The following PTPRB variants were observed in gnomAD, a reference collection of about 807,000 sequenced individuals.
PTPRB encodes receptor-type tyrosine-protein phosphatase beta.
In PTPRB, 97 loss-of-function variants were observed where a neutral mutation model predicts 238.1. The ratio of observed to expected loss-of-function variants is 0.41; its 90% CI spans 0.35 to 0.48. PTPRB has a LOEUF of 0.48. Ranked by LOEUF, PTPRB falls within the 20% of genes least tolerant of loss-of-function variation. The pLI is 0.30. For missense variants in PTPRB, 2,292 were observed against 2,681.9 expected (o/e 0.85, Z 3.21); for synonymous variants, 970 against 995.4 (o/e 0.97, Z 0.48).
rs1871576463 is a variant in PTPRB at position 70,520,847 on chromosome 12, T to C, written c.*642A>G. ...ACTGCAAGTTACATGATCCCTGAGC[T>C]GACCACTTTGGCTTGAATCCCTGGA... is the stretch of plus-strand genomic sequence containing the variant. On this transcript the variant is annotated 3_prime_UTR_variant, in exon 34 of 34. Coordinates refer to ENST00000334414, the MANE Select transcript of PTPRB (RefSeq NM_001109754.4). 6.6e-6 allele frequency: 1 copy of C among 152,516 alleles called. No individual in the cohort carries two copies. The highest frequency in any genetic ancestry group is 2.4e-5 in the African/African-American group (1 of 41,460). 9.4% of individuals were successfully genotyped at this position (152,516 alleles called of 1,614,324 possible). A position where few individuals can be genotyped will look rare whatever the true frequency, so the allele number is the denominator to read the frequency against.
In PTPRB at chr12:70,566,430, A is replaced by G; in HGVS notation, c.3904+5T>C. 6.2e-7 allele frequency: 1 copy of G among 1,613,466 alleles called. No individual in the cohort carries two copies. Among genetic ancestry groups the G allele is most frequent in the Non-Finnish European group, 8.5e-7 (1 of 1,179,650 alleles). Reference sequence around the variant, plus strand: ...TGCTACAAAACATTATGCTGTGCTAATTACCTGTTCGGCCTTCAGTCTGGG... The same window carrying G: ...TGCTACAAAACATTATGCTGTGCTAGTTACCTGTTCGGCCTTCAGTCTGGG... On this transcript the variant is annotated splice_donor_5th_base_variant and intron_variant, in intron 15 of 33. Coordinates refer to ENST00000334414, the MANE Select transcript of PTPRB (RefSeq NM_001109754.4).
intron 2 of PTPRB, among the ~76,000 whole-genome samples, chr12:70,624,950 A>G (rs1885108935): frequency 6.6e-6 from 1 of 152,214 alleles, no homozygotes; most frequent in South Asian, 2.1e-4. Context: ...AACACTCTTG[A>G]AATTTCTCTG....
At chr12:70,529,791 G>A (rs1244556576) in intron 32 of PTPRB, among the ~76,000 whole-genome samples, 1 of 152,134 alleles carries the variant, frequency 6.6e-6, no homozygotes, top group African/African-American at 2.4e-5. Flanking sequence ...GGCTGACACT[G>A]CCTGAACTCA....
At chr12:70,529,220 GAGA>G (rs942473624) in intron 32 of PTPRB, among the ~76,000 whole-genome samples, 2 of 152,258 alleles carry the variant, frequency 1.3e-5, no homozygotes, top group Middle Eastern at 3.4e-3. Flanking sequence ...TATTTCTAAG[GAGA>G]AGGAGGAAGA....
intron 14 of PTPRB, among the ~76,000 whole-genome samples, chr12:70,567,943 A>C (rs1223100111): frequency 6.6e-6 from 1 of 152,064 alleles, no homozygotes; most frequent in Admixed American, 6.5e-5. Context: ...CACTCACCTC[A>C]GCTTCCCAAA....
intron 21 of PTPRB, 99 bp downstream of exon 21, chr12:70,552,678 A>G (rs1446498159): frequency 1.4e-6 from 2 of 1,441,792 alleles, no homozygotes; most frequent in Non-Finnish European, 1.9e-6. Context: ...AACGTAGGTT[A>G]TTAATCTATG....
intron 19 of PTPRB, 94 bp from the exon 20 acceptor site, chr12:70,555,403 T>C (rs1877505814): frequency 1.7e-6 from 2 of 1,184,074 alleles, no homozygotes; most frequent in South Asian, 2.9e-5. Context: ...TCTGCTCTCC[T>C]GCATCAGACT....
intron 2 of PTPRB, among the ~76,000 whole-genome samples, chr12:70,623,542 C>T (rs920739099): frequency 6.6e-6 from 1 of 152,076 alleles, no homozygotes; most frequent in African/African-American, 2.4e-5. Context: ...GACCCTAGAG[C>T]ACAAGTGAAG....
At chr12:70,613,392 T>C (rs1291103007) in intron 3 of PTPRB, among the ~76,000 whole-genome samples, 1 of 151,992 alleles carries the variant, frequency 6.6e-6, no homozygotes, top group African/African-American at 2.4e-5. Context: ...CTGGTATAGG[T>C]TTTGGAGGCT....
intron 22 of PTPRB, among the ~76,000 whole-genome samples, chr12:70,543,973 C>G (rs959046084): frequency 6.6e-6 from 1 of 152,176 alleles, no homozygotes; most frequent in African/African-American, 2.4e-5. Context: ...AGAAGGTGAA[C>G]AGTAAATACT....
intron 4 of PTPRB, among the ~76,000 whole-genome samples, chr12:70,603,981 T>C (rs1410013479): frequency 6.6e-6 from 1 of 152,194 alleles, no homozygotes; most frequent in Non-Finnish European, 1.5e-5. Context: ...TTAAACATAA[T>C]ATGTGGTAGT....
chr12:70,620,479 G>A (rs928474715), intron 3 of PTPRB, among the ~76,000 whole-genome samples: 4 of 152,030 alleles, frequency 2.6e-5, no homozygotes, highest in Admixed American at 6.5e-5. Flanking sequence ...GTTTATAATA[G>A]TTTTTATTCA....
chr12:70,580,750 G>A (rs1021191712), intron 10 of PTPRB, among the ~76,000 whole-genome samples: 5 of 151,952 alleles, frequency 3.3e-5, no homozygotes, highest in South Asian at 2.1e-4. Flanking sequence ...CCCAGGAGGC[G>A]GAGGTTGCGG....
At position 70,569,573 on chromosome 12, in the gene PTPRB, G is replaced by C. The variant is rs1879767238; in HGVS notation, c.3634+102C>G. The C allele has an allele frequency of 7.1e-6, 10 of 1,418,402 alleles. No individual in the cohort carries two copies. The African/African-American group carries it at 8.5e-5, about 12-fold the overall frequency. The allele number at this position is 1,418,402 out of a possible 1,614,324, so 87.9% of individuals were successfully genotyped here. A position where few individuals can be genotyped will look rare whatever the true frequency, so the allele number is the denominator to read the frequency against. On this transcript the variant is annotated intron_variant, in intron 14 of 33. Coordinates refer to ENST00000334414, the MANE Select transcript of PTPRB (RefSeq NM_001109754.4). Reference sequence around the variant, plus strand: ...CCATTGAATTGTACAAACTTTGGTGGTTTTAAATCTGGATTTGTGAATAGC... The same window carrying C: ...CCATTGAATTGTACAAACTTTGGTGCTTTTAAATCTGGATTTGTGAATAGC...
intron 11 of PTPRB, among the ~76,000 whole-genome samples, chr12:70,572,303 C>T (rs1880158265): frequency 6.6e-6 from 1 of 152,148 alleles, no homozygotes; most frequent in Non-Finnish European, 1.5e-5. Flanking sequence ...CTGATGAACT[C>T]ATTCTAAGCC....
intron 22 of PTPRB, 105 bp from the exon 23 acceptor site, chr12:70,541,062 A>G: frequency 1.1e-6 from 1 of 917,422 alleles, no homozygotes. Flanking sequence ...TGTTATTACA[A>G]ATAGAATTCA....
At chr12:70,538,008 T>TG in intron 28 of PTPRB, 147 bp downstream of exon 28, 2 of 510,408 alleles carry the variant, frequency 3.9e-6, no homozygotes, top group Non-Finnish European at 3.1e-6. Flanking sequence ...GGATACCCCA[T>TG]TTTTTTTATG....
chr12:70,544,725 G>C lies in PTPRB; in HGVS notation c.5388-62C>G, dbSNP rs575556742. On this transcript the variant is annotated intron_variant, in intron 21 of 33. Transcript: ENST00000334414. ...TTGTTGAACACAGTAGCTGAAAAAT[G>C]TGTTCAAGGAGAAATAGGGCGGGTT... 360 of 1,165,460 alleles carry C rather than the reference G, an allele frequency of 3.1e-4. 1 individual carries two copies. The highest frequency in any genetic ancestry group is 4.1e-4 in the Non-Finnish European group (344 of 843,604). The allele number at this position is 1,165,460 out of a possible 1,614,324, so 72.2% of individuals were successfully genotyped here.
At position 70,560,676 on chromosome 12, in the gene PTPRB, C is replaced by T. The variant is rs367955055; in HGVS notation, c.4427G>A (p.Arg1476Lys). The T allele has an allele frequency of 3.7e-6, 6 of 1,613,844 alleles. No homozygotes were observed. The highest frequency in any genetic ancestry group is 5.1e-6 in the Non-Finnish European group (6 of 1,179,852). Residue 1476 changes from arginine (R) to lysine (K), a missense_variant, in exon 17 of 34, where the codon AGA becomes AAA. Arg to Lys is a conservative substitution (Grantham distance 26, BLOSUM62 2). This residue lies in a region of PTPRB where 683 missense variants were observed against 862.0 expected (regional missense o/e 0.79). Coordinates refer to ENST00000334414, the MANE Select transcript of PTPRB (RefSeq NM_001109754.4). The surrounding 1 kb of genome is among the most constrained non-coding windows in gnomAD (Gnocchi z 4.2). The part of the protein sequence containing the change: ...DLSNKVTAES[R>K]TAPSPPSLMS... ...TTGGCACCTGGGCTTCTCACCTGTT[C>T]TGCTCTCCGCTGTGACTTTATTGCT...
Sources: gnomAD v4.1 joint callset for allele counts (sites outside exome capture counted in the v4.1 genomes callset) on GRCh38, gnomAD v4.1.1 for gene constraint, gnomAD v4.1.1 regional missense constraint, Gnocchi (gnomAD v3.1) non-coding constraint, MANE v1.5 for transcripts, NCBI Gene and HGNC (gene_info 2026-07-23, HGNC 2026-07-21) for gene names.